The following NRG2 variants were observed in gnomAD, a reference collection of about 807,000 sequenced individuals.
NRG2 encodes the protein neuregulin 2.
A neutral mutation model predicts 73.9 loss-of-function variants in NRG2; 27 were observed. The ratio of observed to expected loss-of-function variants is 0.37; its 90% CI spans 0.27 to 0.50. NRG2 has a LOEUF of 0.50. Among genes scored for constraint, NRG2 ranks in the 20% least tolerant of loss-of-function variants. The pLI, the probability that NRG2 is intolerant of heterozygous loss-of-function variation, is 0.96. For synonymous variants in NRG2, 532 were observed against 541.0 expected (o/e 0.98, Z 0.23); for missense variants, 1,126 against 1,210.1 (o/e 0.93, Z 1.03).
intron 1 of NRG2, among the ~76,000 whole-genome samples, chr5:140,029,191 A>G (rs2126685402): frequency 6.6e-6 from 1 of 152,334 alleles, no homozygotes; most frequent in Non-Finnish European, 1.5e-5. Context: ...GTGTTTTGCC[A>G]TACCACAATC....
At chr5:139,913,557 A>G (rs1751015367) in intron 1 of NRG2, among the ~76,000 whole-genome samples, 1 of 152,216 alleles carries the variant, frequency 6.6e-6, no homozygotes, top group African/African-American at 2.4e-5. Context: ...TCATAGCTGA[A>G]TGGCCTGAGG....
intron 2 of NRG2, among the ~76,000 whole-genome samples, chr5:139,885,636 G>A (rs1295885512): frequency 6.6e-6 from 1 of 152,156 alleles, no homozygotes; most frequent in Non-Finnish European, 1.5e-5. Context: ...CACGGGCGTG[G>A]GTTTGTTGGT....
intron 1 of NRG2, among the ~76,000 whole-genome samples, chr5:139,990,960 T>G (rs532125721): frequency 6.6e-6 from 1 of 152,298 alleles, no homozygotes; most frequent in African/African-American, 2.4e-5. Context: ...CTTTTCACTT[T>G]CTTTAAGCGG....
At chr5:139,940,504 T>C (rs2126423490) in intron 1 of NRG2, among the ~76,000 whole-genome samples, 1 of 152,344 alleles carries the variant, frequency 6.6e-6, no homozygotes, top group South Asian at 2.1e-4. Context: ...ACTCATCAAG[T>C]TGTACTCTTA....
chr5:139,865,573 A>G lies in NRG2; in HGVS notation c.1165T>C (p.Leu389=). ...QRCLEKLPLR[L]YMPDPKQKAE... ...CTTTGCTTAGGATCTGGCATGTACA[A>G]TCGCAAAGGCAGTTTCTCCAAACAT... The change falls in exon 5 of 10, where the codon TTG becomes CTG. Residue 389 remains leucine (L), a synonymous_variant. Coordinates refer to ENST00000361474, the MANE Select transcript of NRG2 (RefSeq NM_004883.3). The surrounding 1 kb of genome is among the most constrained non-coding windows in gnomAD (Gnocchi z 5.2). 6.2e-7 allele frequency: 1 copy of G among 1,612,260 alleles called. No individual in the cohort carries two copies. Among genetic ancestry groups the G allele is most frequent in the African/African-American group, 1.3e-5 (1 of 74,892 alleles).
chr5:140,006,262 G>A (rs536367842), intron 1 of NRG2, among the ~76,000 whole-genome samples: 2 of 152,192 alleles, frequency 1.3e-5, no homozygotes. Context: ...ACAAAATGGA[G>A]ATTGTTCAGC....
At position 140,042,419 on chromosome 5, in the gene NRG2, G is replaced by T; in HGVS notation, c.651C>A (p.Asn217Lys). The change falls in exon 1 of 10, where the codon AAC becomes AAA. Residue 217 changes from asparagine to lysine, a missense_variant. This residue lies in a region of NRG2 where 539 missense variants were observed against 703.2 expected (regional missense o/e 0.77). Transcript: ENST00000361474. ...CCACCTCTTTCTTGAGATTTTTGCC[G>T]TTGGTATCGAGGGGGGCAAAGGCCG... ...FKTAFAPLDT[N>K]GKNLKKEVGK... 6.2e-7 allele frequency: 1 copy of T among 1,604,934 alleles called. No individual in the cohort carries two copies. The highest frequency in any genetic ancestry group is 2.2e-5 in the East Asian group (1 of 44,518).
At chr5:140,025,801 A>C (rs563709214) in intron 1 of NRG2, among the ~76,000 whole-genome samples, 22 of 152,354 alleles carry the variant, frequency 1.4e-4, no homozygotes, top group African/African-American at 5.3e-4. Flanking sequence ...CATAAGGCAC[A>C]AAAAGATAAA....
At chr5:139,993,579 G>C (rs1208636501) in intron 1 of NRG2, among the ~76,000 whole-genome samples, 1 of 152,092 alleles carries the variant, frequency 6.6e-6, no homozygotes, top group Non-Finnish European at 1.5e-5. Flanking sequence ...ACCCTTATCA[G>C]TATCTGGAAT....
intron 1 of NRG2, among the ~76,000 whole-genome samples, chr5:139,898,928 A>T (rs1184621325): frequency 6.6e-6 from 1 of 152,152 alleles, no homozygotes; most frequent in Non-Finnish European, 1.5e-5. Context: ...CCCTTTGCCA[A>T]AGTCCTTCTC....
At chr5:140,011,120 A>T (rs1447579248) in intron 1 of NRG2, among the ~76,000 whole-genome samples, 1 of 152,228 alleles carries the variant, frequency 6.6e-6, no homozygotes, top group Non-Finnish European at 1.5e-5. Flanking sequence ...TAAAGACTAA[A>T]CTTCTCAGCA....
intron 1 of NRG2, among the ~76,000 whole-genome samples, chr5:140,039,858 T>G (rs1761785204): frequency 6.6e-6 from 1 of 152,236 alleles, no homozygotes; most frequent in Admixed American, 6.5e-5. Flanking sequence ...TTTCCCTATT[T>G]TGCAATGGGC....
In NRG2 at chr5:139,852,936, G is replaced by A. The variant is rs1404779373; in HGVS notation, c.1384C>T (p.Arg462Trp). 1 of 1,611,714 alleles carries A rather than the reference G, an allele frequency of 6.2e-7. No individual in the cohort carries two copies. Among genetic ancestry groups the A allele is most frequent in the Non-Finnish European group, 8.5e-7 (1 of 1,179,302 alleles). ...RSLANGPSHP[R>W]LDPEEIQMAD... ...ATCTGGATCTCCTCTGGGTCCAGCC[G>A]GGGGTGGCTGGGCCCATTGGCCAAG... Residue 462 changes from arginine (R) to tryptophan (W), a missense_variant, in exon 7 of 10, where the codon CGG (arginine) becomes TGG (tryptophan). Coordinates refer to ENST00000361474, the MANE Select transcript of NRG2 (RefSeq NM_004883.3). This position sits in a 1 kb window ranked among gnomAD's most constrained non-coding sequence, Gnocchi z 4.4.
At chr5:139,912,134 G>C (rs887740008) in intron 1 of NRG2, among the ~76,000 whole-genome samples, 5 of 152,174 alleles carry the variant, frequency 3.3e-5, no homozygotes, top group African/African-American at 4.8e-5. Flanking sequence ...TCAGGCTGCA[G>C]GGGTCAGCAT....
At chr5:140,023,972 C>T (rs1399615621) in intron 1 of NRG2, among the ~76,000 whole-genome samples, 1 of 152,090 alleles carries the variant, frequency 6.6e-6, no homozygotes, top group African/African-American at 2.4e-5. Flanking sequence ...CTGACCCTAC[C>T]AAAAACAGGA....
At chr5:140,041,829 G>A (rs1337216351) in intron 1 of NRG2, among the ~76,000 whole-genome samples, 2 of 152,176 alleles carry the variant, frequency 1.3e-5, no homozygotes, top group Non-Finnish European at 2.9e-5. Context: ...CCAGCGGTGT[G>A]GATGAGCAGA....
chr5:139,924,288 A>G (rs1329357330), intron 1 of NRG2, among the ~76,000 whole-genome samples: 1 of 152,234 alleles, frequency 6.6e-6, no homozygotes, highest in Non-Finnish European at 1.5e-5. Flanking sequence ...TGCTAAATCA[A>G]TTCAGCGTTG....
In NRG2 at chr5:140,037,769, G is replaced by A. The variant is rs1289174416; in HGVS notation, c.700+4601C>T. Among the ~76,000 whole-genome samples the A allele has an allele frequency of 1.1e-4, 17 of 152,144 alleles. No homozygotes were observed. In the East Asian group the frequency reaches 1.4e-3, roughly 12 times the overall value. ...CTAAAAATACAAAAATTAATCGGGC[G>A]CGGTGGCGGGTGCCTGTAATCCCAG... On this transcript the variant is annotated intron_variant, in intron 1 of 9. Coordinates refer to ENST00000361474, the MANE Select transcript of NRG2 (RefSeq NM_004883.3).
At chr5:139,932,630 A>G (rs113813297) in intron 1 of NRG2, among the ~76,000 whole-genome samples, 229 of 152,336 alleles carry the variant, frequency 1.5e-3, no homozygotes, top group African/African-American at 4.6e-3. Flanking sequence ...ATCTGTCCTT[A>G]TCACACAAAA....
Sources: allele counts gnomAD v4.1 joint callset (sites outside exome capture counted in the v4.1 genomes callset), GRCh38; gene constraint gnomAD v4.1.1; regional missense constraint gnomAD v4.1.1; non-coding constraint Gnocchi (gnomAD v3.1); transcripts MANE v1.5; gene names NCBI Gene and HGNC (gene_info 2026-07-23, HGNC 2026-07-21).